The following CFAP70 variants were observed in gnomAD, a reference collection of about 807,000 sequenced individuals.
CFAP70 encodes cilia and flagella associated protein 70.
A neutral mutation model predicts 137.6 loss-of-function variants in CFAP70; 81 were observed. The ratio of observed to expected loss-of-function variants is 0.59; its 90% CI spans 0.49 to 0.71. The LOEUF is 0.71. CFAP70 is among the 30% of genes least tolerant of loss of function. CFAP70 has a pLI of 0.00. For synonymous variants in CFAP70, 382 were observed against 423.6 expected (o/e 0.90, Z 1.20); for missense variants, 976 against 1,226.7 (o/e 0.80, Z 3.05).
intron 4 of CFAP70, chr10:73,345,215 C>T (rs1380927631): frequency 1.2e-6 from 2 of 1,613,948 alleles, no homozygotes; most frequent in Non-Finnish European, 1.7e-6. Flanking sequence ...AAGGCTCTGC[C>T]ACTAATACTT....
chr10:73,311,920 A>G lies in CFAP70; in HGVS notation c.1084-6T>C. 1 of 1,611,938 alleles carries G rather than the reference A, an allele frequency of 6.2e-7. No homozygotes were observed. Among genetic ancestry groups the G allele is most frequent in the South Asian group, 1.1e-5 (1 of 91,028 alleles). Reference sequence around the variant, plus strand: ...GATTTTATACTAGGTGCCTGCTGAAAGAAAATGAACACACCTCAAAAATTG... The same window carrying G: ...GATTTTATACTAGGTGCCTGCTGAAGGAAAATGAACACACCTCAAAAATTG... On this transcript the variant is annotated splice_region_variant and splice_polypyrimidine_tract_variant and intron_variant, in intron 10 of 26. Transcript: ENST00000310715.
chr10:73,263,332 A>C (rs940912927), intron 25 of CFAP70, among the ~76,000 whole-genome samples: 3 of 152,114 alleles, frequency 2.0e-5, no homozygotes, highest in Non-Finnish European at 4.4e-5. Context: ...CCAGGGCTCA[A>C]TTGGCCTCCC....
chr10:73,292,238 C>T (rs901023697), intron 16 of CFAP70, among the ~76,000 whole-genome samples: 1 of 152,104 alleles, frequency 6.6e-6, no homozygotes, highest in Non-Finnish European at 1.5e-5. Flanking sequence ...AATCATCAAG[C>T]TATTTGTTCC....
At chr10:73,332,429 G>C (rs908778439) in intron 7 of CFAP70, among the ~76,000 whole-genome samples, 1 of 152,288 alleles carries the variant, frequency 6.6e-6, no homozygotes, top group African/African-American at 2.4e-5. Context: ...TACTTTACCA[G>C]ATCCTTATCT....
At position 73,259,264 on chromosome 10, in the gene CFAP70, G is replaced by A. The variant is rs2044878842; in HGVS notation, c.3028-2848C>T. Among the ~76,000 whole-genome samples the A allele has an allele frequency of 2.6e-5, 4 of 152,110 alleles. No individual in the cohort carries two copies. In the South Asian group the frequency reaches 6.2e-4, roughly 24 times the overall value. On this transcript the variant is annotated intron_variant, in intron 25 of 26. Coordinates refer to ENST00000310715, the Ensembl canonical transcript of CFAP70. Reference sequence around the variant, plus strand: ...AACCTACATTGAAATATTGGGGGCTGGTTACCCCAATAAGTGCTAATACCA... The same window carrying A: ...AACCTACATTGAAATATTGGGGGCTAGTTACCCCAATAAGTGCTAATACCA...
chr10:73,272,946 C>T, exon 24 of CFAP70: 1 of 1,552,580 alleles, frequency 6.4e-7, no homozygotes, highest in Non-Finnish European at 8.7e-7. Context: ...AGGCGATTCC[C>T]AGTCCTAGCC....
At chr10:73,346,158 A>C (rs1191575693) in intron 4 of CFAP70, among the ~76,000 whole-genome samples, 1 of 151,822 alleles carries the variant, frequency 6.6e-6, no homozygotes, top group African/African-American at 2.4e-5. Context: ...TGGCCTCCCA[A>C]AGTGCTGGGA....
rs1031137595 is a variant in CFAP70, at chr10:73,258,402, T to G, written c.3028-1986A>C. ...TTCCCCAATCAATACTCTTATAATT[T>G]CCTATGCCTGTCTTTACTTTAATCT... is the stretch of plus-strand genomic sequence containing the variant. On this transcript the variant is annotated intron_variant, in intron 25 of 26. Coordinates refer to ENST00000310715, the Ensembl canonical transcript of CFAP70. Among the ~76,000 whole-genome samples, 4 of 152,256 alleles carry G rather than the reference T, an allele frequency of 2.6e-5. No homozygotes were observed. In the South Asian group the frequency reaches 8.3e-4, roughly 31 times the overall value.
intron 9 of CFAP70, among the ~76,000 whole-genome samples, chr10:73,316,354 C>T (rs903538709): frequency 7.3e-5 from 11 of 150,338 alleles, no homozygotes; most frequent in Non-Finnish European, 3.0e-5. Context: ...TTTTTATTTT[C>T]CATGCTATTT....
At position 73,282,857 on chromosome 10, in the gene CFAP70, G is replaced by A. The variant is rs532191393; in HGVS notation, c.2240-4520C>T. 5.0e-3 allele frequency among the ~76,000 whole-genome samples: 549 copies of A among 109,972 alleles called. 4 individuals carry two copies. Among genetic ancestry groups the A allele is most frequent in the Non-Finnish European group, 7.8e-3 (446 of 57,212 alleles). The allele number at this position is 109,972 out of a possible 152,430, so 72.1% of individuals were successfully genotyped here. A position where few individuals can be genotyped will look rare whatever the true frequency, so the allele number is the denominator to read the frequency against. ...TTTTTTTTTTTTTTTTTTTGAGATA[G>A]AGTCTTGTTCTGTTGCCCAGGCTGT... On this transcript the variant is annotated intron_variant, in intron 19 of 26. Transcript: ENST00000310715.
chr10:73,349,783 A>C (rs1209036148), intron 3 of CFAP70, among the ~76,000 whole-genome samples: 1 of 152,168 alleles, frequency 6.6e-6, no homozygotes, highest in Non-Finnish European at 1.5e-5. Context: ...TAAATTTAAC[A>C]ATTTTTTTGC....
chr10:73,335,191 C>A (rs2052528407), intron 7 of CFAP70, among the ~76,000 whole-genome samples: 1 of 151,594 alleles, frequency 6.6e-6, no homozygotes, highest in Middle Eastern at 3.2e-3. Context: ...CCAGGCCCAG[C>A]TCAGACTTCT....
At chr10:73,291,444 C>A in exon 19 of CFAP70, 1 of 1,613,768 alleles carries the variant, frequency 6.2e-7, no homozygotes, top group Non-Finnish European at 8.5e-7. Flanking sequence ...ATAGTACAAA[C>A]CTGGGGAAAG....
intron 24 of CFAP70, 86 bp from the exon 26 acceptor site, chr10:73,269,801 G>A: frequency 1.4e-6 from 1 of 713,694 alleles, no homozygotes; most frequent in Admixed American, 2.2e-5. Context: ...TATACCAATG[G>A]TTTTCAACTT....
At chr10:73,278,979 C>CAAA (rs398046078) in intron 19 of CFAP70, 3 of 71,872 alleles carry the variant, frequency 4.2e-5, no homozygotes, top group Non-Finnish European at 6.4e-5. Flanking sequence ...GACTCCGTCT[C>CAAA]AAAAAAAAAA....
chr10:73,265,515 G>A (rs2045672782), intron 25 of CFAP70, among the ~76,000 whole-genome samples: 1 of 152,044 alleles, frequency 6.6e-6, no homozygotes, highest in Non-Finnish European at 1.5e-5. Context: ...TCCATTATGT[G>A]AATATACTAT....
intron 23 of CFAP70, 65 bp from the exon 25 acceptor site, chr10:73,273,082 A>C: frequency 8.2e-7 from 1 of 1,222,050 alleles, no homozygotes; most frequent in Non-Finnish European, 1.2e-6. Context: ...TGCTGGGATG[A>C]TCATGGGATC....
intron 25 of CFAP70, among the ~76,000 whole-genome samples, chr10:73,268,023 C>A (rs2045930697): frequency 6.6e-6 from 1 of 152,320 alleles, no homozygotes; most frequent in Middle Eastern, 3.4e-3. Context: ...AGAGAAAACT[C>A]TCTGCTTTTA....
At chr10:73,256,302 G>A in intron 26 of CFAP70, 67 bp downstream of exon 27, 1 of 1,563,378 alleles carries the variant, frequency 6.4e-7, no homozygotes. Context: ...AATTAAGCCA[G>A]TACCTCCCTC....
Sources: allele counts gnomAD v4.1 joint callset (sites outside exome capture counted in the v4.1 genomes callset), GRCh38; gene constraint gnomAD v4.1.1; transcripts MANE v1.5; gene names NCBI Gene and HGNC (gene_info 2026-07-23, HGNC 2026-07-21).